Variants in SGCD observed in about 807,000 individuals in gnomAD.
The protein encoded by SGCD is delta-sarcoglycan.
SGCD carries 18 observed loss-of-function variants against 36.6 expected under a neutral mutation model. The ratio of observed to expected loss-of-function variants is 0.49; its 90% CI spans 0.34 to 0.73. SGCD has a LOEUF of 0.73. Among genes scored for constraint, SGCD ranks in the 30% least tolerant of loss-of-function variants. The probability of loss-of-function intolerance (pLI) is 0.01; values close to 1 mark genes in which losing one functional copy is unlikely to be tolerated. For synonymous variants in SGCD, 133 were observed against 130.6 expected (o/e 1.02, Z -0.12); for missense variants, 387 against 346.7 (o/e 1.12, Z -0.92).
intron 3 of SGCD, among the ~76,000 whole-genome samples, chr5:156,276,589 T>A (rs1449492174): frequency 6.6e-6 from 1 of 152,168 alleles, no homozygotes; most frequent in Non-Finnish European, 1.5e-5. Context: ...ATATATAGAT[T>A]TACTATATTT....
chr5:156,730,362 GATCCTCTCT>G (rs1755994658), intron 7 of SGCD, among the ~76,000 whole-genome samples: 3 of 152,122 alleles, frequency 2.0e-5, no homozygotes, highest in South Asian at 4.1e-4. Flanking sequence ...TATTTTCCCT[GATCCTCTCT>G]ATCCTCTCAC....
chr5:156,724,989 A>G (rs76099403), intron 7 of SGCD, among the ~76,000 whole-genome samples: 4,609 of 152,338 alleles, frequency 0.03, 165 homozygotes, highest in East Asian at 0.1. Flanking sequence ...GAGGTTTCAC[A>G]TAGTGCTCTG....
intron 3 of SGCD, among the ~76,000 whole-genome samples, chr5:156,176,994 A>AT (rs1403346732): frequency 2.0e-5 from 3 of 152,012 alleles, no homozygotes; most frequent in Non-Finnish European, 2.9e-5. Flanking sequence ...AATTAAGGTA[A>AT]TTTTTTATTT....
intron 3 of SGCD, among the ~76,000 whole-genome samples, chr5:156,178,928 A>G (rs576079082): frequency 6.6e-6 from 1 of 152,272 alleles, no homozygotes; most frequent in East Asian, 1.9e-4. Flanking sequence ...ACAACTTTAC[A>G]CTAATAGTTT....
At chr5:155,993,858 A>G (rs1758485701) in intron 1 of SGCD, among the ~76,000 whole-genome samples, 1 of 152,212 alleles carries the variant, frequency 6.6e-6, no homozygotes, top group Admixed American at 6.5e-5. Context: ...TGACCTAGCC[A>G]CAGATGTCTC....
intron 1 of SGCD, among the ~76,000 whole-genome samples, chr5:155,976,219 A>T (rs1758111171): frequency 6.6e-6 from 1 of 152,176 alleles, no homozygotes; most frequent in South Asian, 2.1e-4. Flanking sequence ...AAAGGGTCTT[A>T]TACCATTTTG....
At chr5:156,370,485 G>C (rs1006570683) in intron 3 of SGCD, among the ~76,000 whole-genome samples, 3 of 152,192 alleles carry the variant, frequency 2.0e-5, no homozygotes, top group Admixed American at 6.5e-5. Flanking sequence ...GCCCATGTAA[G>C]AGCATTTTCA....
intron 4 of SGCD, among the ~76,000 whole-genome samples, chr5:156,549,789 T>C (rs1758719128): frequency 6.6e-6 from 1 of 152,360 alleles, no homozygotes; most frequent in South Asian, 2.1e-4. Flanking sequence ...TTCTACTTTA[T>C]GGCTGTCTAA....
At chr5:156,464,800 G>C (rs1454279599) in intron 3 of SGCD, among the ~76,000 whole-genome samples, 1 of 152,070 alleles carries the variant, frequency 6.6e-6, no homozygotes, top group African/African-American at 2.4e-5. Context: ...GTCAAATAAC[G>C]TAATGACATT....
Position 156,068,868 on chromosome 5 carries a change from A to G in SGCD, c.-281-49010A>G, listed in dbSNP as rs930915580. ...TGGTTTTGATTTGCATTTCTCTGAT[A>G]GCCAGTGATGGTGAGCATTTTTTCA... On this transcript the variant is annotated intron_variant, in intron 1 of 9. Coordinates refer to the SGCD transcript ENST00000517913. Among the ~76,000 whole-genome samples, 44 of 152,054 alleles carry G rather than the reference A, an allele frequency of 2.9e-4. No homozygotes were observed. In the South Asian group the frequency reaches 3.7e-3, roughly 13 times the overall value.
At chr5:156,698,840 T>TACACACACACACACAC (rs150929203) in intron 7 of SGCD, among the ~76,000 whole-genome samples, 52 of 140,088 alleles carry the variant, frequency 3.7e-4, no homozygotes, top group African/African-American at 1.3e-3. Context: ...TAAATTAAAA[T>TACACACACACACACAC]ACACACACAC....
At chr5:156,365,994 A>G (rs980677144) in intron 3 of SGCD, among the ~76,000 whole-genome samples, 3 of 152,248 alleles carry the variant, frequency 2.0e-5, no homozygotes, top group African/African-American at 7.2e-5. Flanking sequence ...AGAAGGTACA[A>G]GAAGACATGA....
intron 6 of SGCD, among the ~76,000 whole-genome samples, chr5:156,613,076 C>G (rs1279833332): frequency 6.6e-6 from 1 of 152,180 alleles, no homozygotes; most frequent in Non-Finnish European, 1.5e-5. Context: ...TGCTTTGCTC[C>G]TCTCTCTGTG....
At position 156,588,374 on chromosome 5, in the gene SGCD, A is replaced by C. The variant is rs181793483; in HGVS notation, c.295-857A>C. On this transcript the variant is annotated intron_variant, in intron 4 of 8. Coordinates refer to ENST00000337851, the MANE Select transcript of SGCD (RefSeq NM_000337.6). Reference sequence around the variant, plus strand: ...TGAAATTTAGATGTCATTTTCCATGAATAATATTTAATGAAATACAGTCAT... The same window carrying C: ...TGAAATTTAGATGTCATTTTCCATGCATAATATTTAATGAAATACAGTCAT... Among the ~76,000 whole-genome samples, 405 of 152,314 alleles carry C rather than the reference A, an allele frequency of 2.7e-3. 3 individuals are homozygous for C. Among genetic ancestry groups the C allele is most frequent in the African/African-American group, 9.4e-3 (389 of 41,578 alleles).
At chr5:156,199,411 G>T (rs1489515583) in intron 3 of SGCD, among the ~76,000 whole-genome samples, 3 of 151,858 alleles carry the variant, frequency 2.0e-5, no homozygotes, top group Non-Finnish European at 4.4e-5. Context: ...AATCAGGCAT[G>T]CAAGGCCCTT....
chr5:156,486,652 T>C (rs1028205287), intron 3 of SGCD, among the ~76,000 whole-genome samples: 3 of 152,166 alleles, frequency 2.0e-5, no homozygotes, highest in Non-Finnish European at 2.9e-5. Flanking sequence ...GCACTTGTTA[T>C]ACAGGGGGCT....
chr5:156,695,527 A>AGATG (rs1348776488), intron 7 of SGCD, among the ~76,000 whole-genome samples: 42 of 53,076 alleles, frequency 7.9e-4, no homozygotes, highest in Non-Finnish European at 1.5e-3. Context: ...ATAGATAGAT[A>AGATG]GATAGATAGA....
chr5:156,373,965 T>C (rs1404174078), intron 3 of SGCD, among the ~76,000 whole-genome samples: 4 of 152,184 alleles, frequency 2.6e-5, no homozygotes, highest in Non-Finnish European at 5.9e-5. Context: ...TCTTTCATGT[T>C]ACTTTGCTGA....
intron 1 of SGCD, among the ~76,000 whole-genome samples, chr5:156,013,210 A>T (rs1040022217): frequency 6.6e-6 from 1 of 151,702 alleles, no homozygotes; most frequent in Non-Finnish European, 1.5e-5. Flanking sequence ...TTTTTAGTAG[A>T]GATGGAGTTT....
Sources: gnomAD v4.1 joint callset for allele counts (sites outside exome capture counted in the v4.1 genomes callset) on GRCh38, gnomAD v4.1.1 for gene constraint, MANE v1.5 for transcripts, NCBI Gene and HGNC (gene_info 2026-07-23, HGNC 2026-07-21) for gene names.